SIPA1L1: variants seen among roughly 807,000 people sequenced by gnomAD.
SIPA1L1 encodes the protein signal-induced proliferation-associated 1-like protein 1.
SIPA1L1 carries 26 observed loss-of-function variants against 162.7 expected under a neutral mutation model. The ratio of observed to expected loss-of-function variants is 0.16; its 90% CI spans 0.12 to 0.22. The LOEUF (loss-of-function observed/expected upper bound fraction) is 0.22, where lower values mean the gene tolerates loss of function less well. SIPA1L1 is among the 10% of genes least tolerant of loss of function. SIPA1L1 has a pLI of 1.00. For missense variants in SIPA1L1, 1,874 were observed against 2,241.0 expected (o/e 0.84, Z 3.31); for synonymous variants, 829 against 837.4 (o/e 0.99, Z 0.17).
chr14:71,553,150 T>A (rs1053252141), intron 4 of SIPA1L1, among the ~76,000 whole-genome samples: 8 of 152,240 alleles, frequency 5.3e-5, no homozygotes, highest in Non-Finnish European at 8.8e-5. Context: ...TAATAATTTT[T>A]AAAAAATCAG....
In SIPA1L1 at chr14:71,672,388, G is replaced by A. The variant is rs946552795; in HGVS notation, c.2870G>A (p.Arg957Gln). Residue 957 changes from arginine (R) to glutamine (Q), a missense_variant, in exon 12 of 24, where the codon CGA (arginine) becomes CAA (glutamine). By Grantham distance (43) the Arg-to-Gln change is conservative (BLOSUM62 1). Around this residue, in one of 5 missense-constraint regions of SIPA1L1, gnomAD observed 10 missense variants for 28.9 expected, o/e 0.35. Transcript: ENST00000381232. The stretch of plus-strand genomic sequence containing the variant: ...TGTGAATCGGTGGAGATGACTCTGC[G>A]AAGAAATGGGCTAGGACAGCTTGGC... ...KGCESVEMTL[R>Q]RNGLGQLGFH... 5 of 1,614,068 alleles carry A rather than the reference G, an allele frequency of 3.1e-6. No homozygotes were observed. The highest frequency in any genetic ancestry group is 2.2e-5 in the East Asian group (1 of 44,894).
intron 2 of SIPA1L1, among the ~76,000 whole-genome samples, chr14:71,327,469 T>G (rs2033971554): frequency 1.3e-5 from 2 of 152,254 alleles, no homozygotes. Context: ...AGCTGCTAAC[T>G]GGACTGTGGT....
intron 2 of SIPA1L1, among the ~76,000 whole-genome samples, chr14:71,330,958 G>T (rs965527313): frequency 6.6e-6 from 1 of 152,168 alleles, no homozygotes; most frequent in South Asian, 2.1e-4. Context: ...GCTTTTGGCC[G>T]TATCTAAGAA....
At chr14:71,680,509 C>T (rs544962195) in intron 12 of SIPA1L1, among the ~76,000 whole-genome samples, 2 of 152,204 alleles carry the variant, frequency 1.3e-5, no homozygotes, top group Admixed American at 1.3e-4. Context: ...CCTAACATCA[C>T]AATCAGAAGA....
At chr14:71,511,183 A>G (rs575994643) in intron 2 of SIPA1L1, among the ~76,000 whole-genome samples, 1 of 152,338 alleles carries the variant, frequency 6.6e-6, no homozygotes, top group East Asian at 1.9e-4. Context: ...CTAGTGTGAC[A>G]TAAGAAGTAT....
intron 4 of SIPA1L1, among the ~76,000 whole-genome samples, chr14:71,556,683 C>G (rs968337790): frequency 2.0e-5 from 3 of 151,372 alleles, no homozygotes; most frequent in Non-Finnish European, 4.4e-5. Flanking sequence ...CCGTGCCCTC[C>G]TTTGGCGTGC....
At position 71,530,656 on chromosome 14, in the gene SIPA1L1, A is replaced by G. The variant is rs141885631; in HGVS notation, c.-303+1286A>G. Among the ~76,000 whole-genome samples the G allele has an allele frequency of 5.1e-3, 784 of 152,318 alleles. 3 individuals carry two copies. Among genetic ancestry groups the G allele is most frequent in the African/African-American group, 0.017 (726 of 41,550 alleles). ...CCTCTCCTCAACACTCTATAGAGAA[A>G]TCGAATGTTTACCAATTCCATTGAA... On this transcript the variant is annotated intron_variant, in intron 4 of 23. Coordinates refer to ENST00000381232, the MANE Select transcript of SIPA1L1 (RefSeq NM_001386936.1).
intron 17 of SIPA1L1, among the ~76,000 whole-genome samples, chr14:71,714,067 A>G (rs766055847): frequency 1.3e-5 from 2 of 152,184 alleles, no homozygotes; most frequent in Non-Finnish European, 2.9e-5. Context: ...GGTTGTGGGT[A>G]TGGATCATTT....
At chr14:71,441,243 A>G (rs1481914154) in intron 2 of SIPA1L1, among the ~76,000 whole-genome samples, 1 of 152,180 alleles carries the variant, frequency 6.6e-6, no homozygotes, top group East Asian at 1.9e-4. Flanking sequence ...GATGGAGGTT[A>G]TTTATGGATC....
chr14:71,450,437 G>A (rs1174422778), intron 2 of SIPA1L1, among the ~76,000 whole-genome samples: 1 of 152,144 alleles, frequency 6.6e-6, no homozygotes, highest in African/African-American at 2.4e-5. Flanking sequence ...GTCATTCTGG[G>A]TAGCCAAACT....
At chr14:71,704,933 A>G in intron 15 of SIPA1L1, 1 of 656,962 alleles carries the variant, frequency 1.5e-6, no homozygotes, top group Non-Finnish European at 2.7e-6. Flanking sequence ...CCCCAAACCA[A>G]AAGTTGATTC....
intron 4 of SIPA1L1, among the ~76,000 whole-genome samples, chr14:71,552,155 A>G (rs943642782): frequency 4.6e-5 from 7 of 152,152 alleles, no homozygotes; most frequent in Non-Finnish European, 8.8e-5. Context: ...AGGGCCAGAA[A>G]ATATTATTAA....
At chr14:71,450,832 A>T (rs559339962) in intron 2 of SIPA1L1, among the ~76,000 whole-genome samples, 1 of 152,356 alleles carries the variant, frequency 6.6e-6, no homozygotes, top group African/African-American at 2.4e-5. Context: ...GCCATTATGC[A>T]AAACAATATG....
intron 2 of SIPA1L1, among the ~76,000 whole-genome samples, chr14:71,322,773 CTG>C (rs1185751642): frequency 6.6e-6 from 1 of 152,198 alleles, no homozygotes; most frequent in Non-Finnish European, 1.5e-5. Context: ...TTGAAGTTGA[CTG>C]TCATTTGATT....
chr14:71,475,662 G>C (rs2047789529), intron 2 of SIPA1L1, among the ~76,000 whole-genome samples: 1 of 152,164 alleles, frequency 6.6e-6, no homozygotes, highest in South Asian at 2.1e-4. Flanking sequence ...CAAAAATTCT[G>C]CTTTCAAAAT....
chr14:71,467,634 C>A (rs992782268), intron 2 of SIPA1L1, among the ~76,000 whole-genome samples: 3 of 151,918 alleles, frequency 2.0e-5, no homozygotes, highest in Non-Finnish European at 4.4e-5. Flanking sequence ...CAAAAATTGT[C>A]CCTTATGTTT....
intron 3 of SIPA1L1, among the ~76,000 whole-genome samples, chr14:71,520,716 C>T (rs1017712524): frequency 1.3e-5 from 2 of 151,942 alleles, no homozygotes; most frequent in Non-Finnish European, 2.9e-5. Context: ...TACAGTATTC[C>T]GTTATATGGA....
chr14:71,638,438 T>C (rs1203004967), intron 7 of SIPA1L1, among the ~76,000 whole-genome samples: 1 of 152,048 alleles, frequency 6.6e-6, no homozygotes, highest in Admixed American at 6.5e-5. Context: ...AGAAGAAAAA[T>C]CACGTGGTAA....
At chr14:71,513,076 C>A (rs1180940340) in intron 3 of SIPA1L1, among the ~76,000 whole-genome samples, 1 of 152,196 alleles carries the variant, frequency 6.6e-6, no homozygotes, top group African/African-American at 2.4e-5. Flanking sequence ...AGCTGAAACC[C>A]AACCACCTTG....
Sources: allele counts gnomAD v4.1 joint callset (sites outside exome capture counted in the v4.1 genomes callset), GRCh38; gene constraint gnomAD v4.1.1; regional missense constraint gnomAD v4.1.1; transcripts MANE v1.5; gene names NCBI Gene and HGNC (gene_info 2026-07-23, HGNC 2026-07-21).